LRP1B: variants seen among roughly 807,000 people sequenced by gnomAD.
LRP1B encodes low-density lipoprotein receptor-related protein 1B.
Under a neutral mutation model 556.6 loss-of-function variants are expected in LRP1B, and 217 were observed. That is an observed-to-expected ratio of 0.39 (90% CI 0.35 to 0.44). The LOEUF (loss-of-function observed/expected upper bound fraction) is 0.44. Among genes scored for constraint, LRP1B ranks in the 20% least tolerant of loss-of-function variants. LRP1B has a pLI of 1.00. For missense variants in LRP1B, 5,053 were observed against 5,620.8 expected, an observed-to-expected ratio of 0.90 and a Z score of 3.23; for synonymous variants, 2,047 against 1,865.8, an observed-to-expected ratio of 1.10 and a Z score of -2.50.
chr2:140,587,164 A>G (rs1285698533), intron 43 of LRP1B, among the ~76,000 whole-genome samples: 1 of 152,166 alleles, frequency 6.6e-6, no homozygotes, highest in Non-Finnish European at 1.5e-5. Context: ...CAGTCACAAC[A>G]ACAAAGAAAA....
intron 1 of LRP1B, among the ~76,000 whole-genome samples, chr2:141,985,125 G>T (rs1350909626): frequency 6.6e-6 from 1 of 152,002 alleles, no homozygotes; most frequent in Admixed American, 6.6e-5. Context: ...CTGAGATAAC[G>T]GTATTACAAA....
In LRP1B at chr2:140,246,204, T is replaced by A. The variant is rs560177835; in HGVS notation, c.13324+882A>T. 4.0e-5 allele frequency among the ~76,000 whole-genome samples: 6 copies of A among 151,476 alleles called. No homozygotes were observed. In the South Asian group the frequency reaches 6.2e-4, roughly 16 times the overall value. On this transcript the variant is annotated intron_variant, in intron 87 of 90. Coordinates refer to ENST00000389484, the MANE Select transcript of LRP1B (RefSeq NM_018557.3). ...ACTAACTCTGAAACACTATGCTTTT[T>A]GCTTGTTTTTATGAAATCCTTGTCA...
intron 45 of LRP1B, among the ~76,000 whole-genome samples, chr2:140,539,516 C>T (rs893385996): frequency 3.3e-5 from 5 of 152,074 alleles, no homozygotes; most frequent in African/African-American, 7.2e-5. Context: ...CATTTCCTCT[C>T]GTCAACAGAG....
At chr2:140,443,654 A>G (rs1001075238) in intron 65 of LRP1B, among the ~76,000 whole-genome samples, 4 of 152,252 alleles carry the variant, frequency 2.6e-5, no homozygotes, top group African/African-American at 9.6e-5. Context: ...ATGTGTGAGC[A>G]TGCGTGCAAG....
intron 82 of LRP1B, among the ~76,000 whole-genome samples, chr2:140,319,888 C>T (rs1254824258): frequency 2.0e-5 from 3 of 152,132 alleles, no homozygotes; most frequent in Admixed American, 2.0e-4. Flanking sequence ...CAATAATTGG[C>T]ACCAAAATGC....
At chr2:140,959,840 A>G (rs1695981272) in intron 18 of LRP1B, among the ~76,000 whole-genome samples, 1 of 151,664 alleles carries the variant, frequency 6.6e-6, no homozygotes, top group African/African-American at 2.4e-5. Flanking sequence ...TCAAAAATGC[A>G]TCATTATGTT....
At chr2:140,796,413 G>A (rs1690315670) in intron 32 of LRP1B, among the ~76,000 whole-genome samples, 1 of 152,018 alleles carries the variant, frequency 6.6e-6, no homozygotes, top group South Asian at 2.1e-4. Context: ...GTATTTTAAA[G>A]TGACAAAAAT....
intron 2 of LRP1B, among the ~76,000 whole-genome samples, chr2:141,490,401 T>TGTGTGTGTGTGTGTGTGTC: frequency 1.2e-5 from 1 of 82,064 alleles, no homozygotes; most frequent in Non-Finnish European, 2.9e-5. Flanking sequence ...GTGTGTGTGT[T>TGTGTGTGTGTGTGTGTGTC]TTCTGCTAAC....
At chr2:141,369,778 C>T (rs77210747) in intron 3 of LRP1B, among the ~76,000 whole-genome samples, 7 of 152,102 alleles carry the variant, frequency 4.6e-5, no homozygotes, top group African/African-American at 1.7e-4. Flanking sequence ...GCACATTGTA[C>T]CCCCGGAGCA....
At chr2:140,751,933 G>T (rs150771426) in intron 35 of LRP1B, among the ~76,000 whole-genome samples, 1 of 152,202 alleles carries the variant, frequency 6.6e-6, no homozygotes, top group African/African-American at 2.4e-5. Context: ...ATATATATAC[G>T]CAGTACAATA....
At chr2:141,184,363 T>C (rs1221566465) in intron 7 of LRP1B, among the ~76,000 whole-genome samples, 1 of 151,908 alleles carries the variant, frequency 6.6e-6, no homozygotes, top group Non-Finnish European at 1.5e-5. Flanking sequence ...TCTCCCCTGA[T>C]GCAGGCCATC....
At chr2:140,748,828 C>CATATATATTATATACATGTATATA (rs70988429) in intron 35 of LRP1B, among the ~76,000 whole-genome samples, 3 of 79,524 alleles carry the variant, frequency 3.8e-5, no homozygotes, top group Non-Finnish European at 7.7e-5. Flanking sequence ...TAATATATAT[C>CATATATATTATATACATGTATATA]ATATATTATA....
intron 1 of LRP1B, among the ~76,000 whole-genome samples, chr2:141,857,224 TA>T (rs1698082130): frequency 6.6e-6 from 1 of 152,150 alleles, no homozygotes; most frequent in South Asian, 2.1e-4. Flanking sequence ...CACTTCCAGT[TA>T]TTTTTTTTTC....
chr2:141,045,367 A>T (rs958991869), intron 11 of LRP1B, among the ~76,000 whole-genome samples: 1 of 151,636 alleles, frequency 6.6e-6, no homozygotes, highest in African/African-American at 2.4e-5. Context: ...ACATGTATAC[A>T]TATGTAACTA....
intron 2 of LRP1B, among the ~76,000 whole-genome samples, chr2:141,784,350 A>C (rs750279094): frequency 3.3e-5 from 5 of 151,980 alleles, no homozygotes; most frequent in Non-Finnish European, 7.4e-5. Context: ...TTTGCGTAGG[A>C]TATATGAGAA....
intron 1 of LRP1B, among the ~76,000 whole-genome samples, chr2:141,848,432 G>A (rs150912390): frequency 3.4e-4 from 51 of 151,478 alleles, no homozygotes; most frequent in Middle Eastern, 3.4e-3. Context: ...TCATAACAGA[G>A]TTAATGTTAG....
At chr2:141,738,895 G>A (rs1162854789) in intron 2 of LRP1B, among the ~76,000 whole-genome samples, 1 of 152,082 alleles carries the variant, frequency 6.6e-6, no homozygotes. Flanking sequence ...AAAGGCAACA[G>A]GGTCTGCTTT....
intron 1 of LRP1B, among the ~76,000 whole-genome samples, chr2:141,911,834 T>G (rs1362610897): frequency 2.0e-5 from 2 of 102,518 alleles, no homozygotes; most frequent in African/African-American, 3.5e-5. Context: ...CTGGTCTCAA[T>G]GCACACCTGT....
At chr2:141,493,429 C>T (rs16846262) in intron 2 of LRP1B, among the ~76,000 whole-genome samples, 1 of 152,046 alleles carries the variant, frequency 6.6e-6, no homozygotes, top group Non-Finnish European at 1.5e-5. Flanking sequence ...CAGGGTGATA[C>T]CCAAATATTT....
Sources: gnomAD v4.1 joint callset for allele counts (sites outside exome capture counted in the v4.1 genomes callset) on GRCh38, gnomAD v4.1.1 for gene constraint, MANE v1.5 for transcripts, NCBI Gene and HGNC (gene_info 2026-07-23, HGNC 2026-07-21) for gene names.